The following SOX6 variants were observed in gnomAD, a reference collection of about 807,000 sequenced individuals.
SOX6 encodes SRY-box transcription factor 6.
A neutral mutation model predicts 97.8 loss-of-function variants in SOX6; 11 were observed. That is an observed-to-expected ratio of 0.11 (90% CI 0.07 to 0.19). The LOEUF (loss-of-function observed/expected upper bound fraction) is 0.19, where lower values mean the gene tolerates loss of function less well. SOX6 is among the 10% of genes least tolerant of loss of function. The pLI is 1.00. For synonymous variants in SOX6, 360 were observed against 371.4 expected (o/e 0.97, Z 0.35); for missense variants, 810 against 1,039.5 (o/e 0.78, Z 3.04).
intron 3 of SOX6, among the ~76,000 whole-genome samples, chr11:16,692,133 G>C (rs1187680814): frequency 6.6e-6 from 1 of 151,666 alleles, no homozygotes; most frequent in Non-Finnish European, 1.5e-5. Context: ...CCAGGCAGTG[G>C]CGTGATCTCG....
intron 4 of SOX6, among the ~76,000 whole-genome samples, chr11:16,515,013 G>A (rs1403270509): frequency 6.6e-5 from 10 of 151,886 alleles, no homozygotes; most frequent in Non-Finnish European, 1.5e-4. Flanking sequence ...ACATACGTGT[G>A]CATGTGTCTT....
At chr11:16,010,563 G>T (rs758466849) in intron 13 of SOX6, among the ~76,000 whole-genome samples, 1 of 151,932 alleles carries the variant, frequency 6.6e-6, no homozygotes, top group Non-Finnish European at 1.5e-5. Flanking sequence ...CAGCAAAACA[G>T]AAACAAAAGA....
chr11:16,569,724 C>T (rs1847916297), intron 4 of SOX6, among the ~76,000 whole-genome samples: 2 of 151,648 alleles, frequency 1.3e-5, no homozygotes, highest in African/African-American at 4.9e-5. Flanking sequence ...AAAAAATTAG[C>T]CGGGCGTGGT....
chr11:16,552,906 G>A (rs1847705169), intron 4 of SOX6, among the ~76,000 whole-genome samples: 1 of 152,014 alleles, frequency 6.6e-6, no homozygotes, highest in Admixed American at 6.6e-5. Context: ...AAATTAAAAT[G>A]GCATTGTATA....
intron 2 of SOX6, among the ~76,000 whole-genome samples, chr11:16,719,194 C>A (rs1277053720): frequency 6.6e-6 from 1 of 151,976 alleles, no homozygotes; most frequent in Non-Finnish European, 1.5e-5. Flanking sequence ...AAGTTAAAAC[C>A]GATTCATTAC....
intron 12 of SOX6, among the ~76,000 whole-genome samples, chr11:16,038,362 C>T (rs893277249): frequency 6.6e-5 from 10 of 151,828 alleles, no homozygotes; most frequent in African/African-American, 1.9e-4. Context: ...GATGTTAGGG[C>T]CATCTAACTC....
chr11:16,241,001 G>T (rs1166033233), intron 3 of SOX6, among the ~76,000 whole-genome samples: 1 of 58,744 alleles, frequency 1.7e-5, no homozygotes, highest in African/African-American at 5.6e-5. Context: ...TATGAAGTAA[G>T]ACACTCTAAT....
intron 3 of SOX6, among the ~76,000 whole-genome samples, chr11:16,629,425 T>C (rs1485169366): frequency 6.6e-6 from 1 of 152,238 alleles, no homozygotes; most frequent in Admixed American, 6.5e-5. Context: ...TGAACAAACC[T>C]TGCATTTGAG....
At chr11:16,145,739 C>T (rs1850275249) in intron 6 of SOX6, among the ~76,000 whole-genome samples, 1 of 152,160 alleles carries the variant, frequency 6.6e-6, no homozygotes, top group Admixed American at 6.5e-5. Context: ...CATGAGTGAA[C>T]TCCCATTCAC....
intron 1 of SOX6, among the ~76,000 whole-genome samples, chr11:16,395,520 T>G (rs894163649): frequency 2.0e-5 from 3 of 151,752 alleles, no homozygotes; most frequent in African/African-American, 7.3e-5. Context: ...AAACTGTCAC[T>G]AGACCAGTAC....
intron 12 of SOX6, among the ~76,000 whole-genome samples, chr11:16,036,889 G>A (rs1330639031): frequency 1.3e-5 from 2 of 152,192 alleles, no homozygotes; most frequent in Non-Finnish European, 2.9e-5. Context: ...TTAGGAGGCA[G>A]CTTGCATTGT....
intron 12 of SOX6, among the ~76,000 whole-genome samples, chr11:16,024,360 C>T (rs1855157981): frequency 1.3e-5 from 2 of 151,952 alleles, no homozygotes; most frequent in African/African-American, 4.8e-5. Flanking sequence ...ACCTCTTATG[C>T]CATGAAAGGT....
chr11:16,495,204 G>A (rs1425471988), intron 4 of SOX6, among the ~76,000 whole-genome samples: 1 of 152,074 alleles, frequency 6.6e-6, no homozygotes, highest in Non-Finnish European at 1.5e-5. Flanking sequence ...GCCACTACCT[G>A]GGGCCAAAGC....
At chr11:16,724,666 G>A (rs1280817070) in intron 2 of SOX6, among the ~76,000 whole-genome samples, 5 of 152,250 alleles carry the variant, frequency 3.3e-5, no homozygotes, top group Middle Eastern at 3.4e-3. Flanking sequence ...GCCCATTAAC[G>A]TTTGGGAACC....
At chr11:16,535,915 T>C (rs940897933) in intron 4 of SOX6, among the ~76,000 whole-genome samples, 2 of 152,240 alleles carry the variant, frequency 1.3e-5, no homozygotes, top group African/African-American at 4.8e-5. Context: ...TGTCAATATC[T>C]TCTTCTCTCA....
intron 1 of SOX6, chr11:16,402,742 G>C: frequency 1.2e-6 from 2 of 1,609,672 alleles, no homozygotes; most frequent in African/African-American, 1.3e-5. Context: ...CTGACTTAGG[G>C]GCTGGCTAGA....
Position 16,115,804 on chromosome 11 carries a change from C to T in SOX6, c.778-3881G>A, listed in dbSNP as rs140805919. 3.1e-3 allele frequency among the ~76,000 whole-genome samples: 470 copies of T among 152,248 alleles called. 5 individuals carry two copies. The highest frequency in any genetic ancestry group is 0.011 in the African/African-American group (445 of 41,542). On this transcript the variant is annotated intron_variant, in intron 6 of 15. Transcript: ENST00000683767. ...TTTGGCAAAGAAAACCTGGAAGTCT[C>T]CAGCTGAAAATAATTTTGTGTTTCA...
intron 9 of SOX6, among the ~76,000 whole-genome samples, chr11:16,091,891 A>T (rs1848698577): frequency 6.6e-6 from 1 of 152,092 alleles, no homozygotes; most frequent in African/African-American, 2.4e-5. Context: ...GTCTGTTAAA[A>T]TATGTTCCAA....
At chr11:16,400,530 T>A (rs1291828170) in intron 1 of SOX6, among the ~76,000 whole-genome samples, 1 of 151,456 alleles carries the variant, frequency 6.6e-6, no homozygotes, top group African/African-American at 2.4e-5. Context: ...GTAAAACAAA[T>A]TGTGGTACAT....
Sources: gnomAD v4.1 joint callset for allele counts (sites outside exome capture counted in the v4.1 genomes callset) on GRCh38, gnomAD v4.1.1 for gene constraint, MANE v1.5 for transcripts, NCBI Gene and HGNC (gene_info 2026-07-23, HGNC 2026-07-21) for gene names.